Variants in CDH13 observed in about 807,000 individuals in gnomAD.
CDH13 encodes the protein cadherin-13.
Under a neutral mutation model 63.8 loss-of-function variants are expected in CDH13, and 24 were observed. The observed-to-expected ratio is 0.38, with a 90% confidence interval of 0.27 to 0.53. The LOEUF is 0.53. Ranked by LOEUF, CDH13 falls within the 20% of genes least tolerant of loss-of-function variation. The pLI is 0.85. For synonymous variants in CDH13, 503 were observed against 355.3 expected (o/e 1.42, Z -4.67); for missense variants, 1,049 against 903.1 (o/e 1.16, Z -2.07).
intron 7 of CDH13, among the ~76,000 whole-genome samples, chr16:83,489,349 G>A (rs2073959897): frequency 6.6e-6 from 1 of 152,114 alleles, no homozygotes. Flanking sequence ...CCCCAAAAAA[G>A]ATCAACTCAA....
At chr16:83,050,651 C>G (rs959012817) in intron 3 of CDH13, among the ~76,000 whole-genome samples, 3 of 152,118 alleles carry the variant, frequency 2.0e-5, no homozygotes, top group Non-Finnish European at 4.4e-5. Context: ...CAGCATGTCT[C>G]CAAATTTATA....
At chr16:83,258,603 T>C (rs946268348) in intron 5 of CDH13, among the ~76,000 whole-genome samples, 1 of 152,204 alleles carries the variant, frequency 6.6e-6, no homozygotes, top group African/African-American at 2.4e-5. Context: ...TTGGCACTTT[T>C]CAGAGGTGGC....
intron 1 of CDH13, among the ~76,000 whole-genome samples, chr16:82,849,170 T>C (rs780319740): frequency 8.5e-5 from 13 of 152,192 alleles, no homozygotes; most frequent in Non-Finnish European, 1.8e-4. Context: ...GAGGTTAGTG[T>C]GTGACATTTA....
chr16:83,482,183 G>A (rs577900140), intron 6 of CDH13, among the ~76,000 whole-genome samples: 4 of 152,198 alleles, frequency 2.6e-5, no homozygotes, highest in Non-Finnish European at 5.9e-5. Flanking sequence ...AGTGTGGAAT[G>A]AGGCAACACT....
At chr16:83,385,775 G>T (rs2151422760) in intron 6 of CDH13, among the ~76,000 whole-genome samples, 1 of 152,160 alleles carries the variant, frequency 6.6e-6, no homozygotes, top group Non-Finnish European at 1.5e-5. Context: ...TTCACCAAAT[G>T]GAATCTTTGG....
chr16:82,904,965 G>A lies in CDH13; in HGVS notation c.157+46492G>A, dbSNP rs918163753. On this transcript the variant is annotated intron_variant, in intron 2 of 13. Transcript: ENST00000567109. ...AATGAACCCAGGTTTCTCCCATGGA[G>A]TGCAGTTTCTCCCTAAATGAACCCA... Among the ~76,000 whole-genome samples the A allele has an allele frequency of 2.6e-5, 4 of 151,622 alleles. 1 individual carries two copies. Among genetic ancestry groups the A allele is most frequent in the Admixed American group, 2.0e-4 (3 of 15,248 alleles).
intron 1 of CDH13, among the ~76,000 whole-genome samples, chr16:82,704,049 A>G (rs2031278371): frequency 3.3e-5 from 5 of 152,172 alleles, no homozygotes. Context: ...CAAATAAAAA[A>G]ACCCATGACA....
chr16:83,763,066 C>G (rs1914104567), intron 11 of CDH13, among the ~76,000 whole-genome samples: 1 of 152,152 alleles, frequency 6.6e-6, no homozygotes. Context: ...CGTCATATTC[C>G]CCATCTATTT....
At chr16:83,297,389 TA>T (rs966026402) in intron 5 of CDH13, among the ~76,000 whole-genome samples, 2 of 152,154 alleles carry the variant, frequency 1.3e-5, no homozygotes, top group East Asian at 1.9e-4. Context: ...ATGTGTCAAT[TA>T]AAAAAACAAA....
chr16:83,651,364 A>G (rs1912357575), intron 8 of CDH13, among the ~76,000 whole-genome samples: 1 of 152,110 alleles, frequency 6.6e-6, no homozygotes, highest in African/African-American at 2.4e-5. Context: ...TGTGCATTTT[A>G]TTGCTTATGT....
intron 2 of CDH13, among the ~76,000 whole-genome samples, chr16:82,895,634 G>A (rs2041229209): frequency 6.6e-6 from 1 of 151,650 alleles, no homozygotes. Context: ...TTTGAATTAT[G>A]TGAGGTAGTA....
At chr16:83,364,878 G>A (rs901790949) in intron 6 of CDH13, among the ~76,000 whole-genome samples, 4 of 152,122 alleles carry the variant, frequency 2.6e-5, no homozygotes, top group Non-Finnish European at 4.4e-5. Flanking sequence ...ATGGACACAG[G>A]GAGGGGAACA....
chr16:83,191,045 T>C (rs1302015055), intron 4 of CDH13, among the ~76,000 whole-genome samples: 2 of 151,758 alleles, frequency 1.3e-5, no homozygotes, highest in African/African-American at 4.8e-5. Flanking sequence ...CTTTATGTAG[T>C]GATTCCGAGC....
intron 5 of CDH13, among the ~76,000 whole-genome samples, chr16:83,286,541 A>C (rs1356815597): frequency 6.6e-6 from 1 of 152,036 alleles, no homozygotes. Context: ...GGATTGCCTG[A>C]GCTCAGGAGT....
Position 83,783,341 on chromosome 16 carries a change from C to G in CDH13, c.2003C>G (p.Pro668Arg). ...PIMVTDSGKP[P>R]MTNITDLRVQ... ...ATGGTGACAGATTCAGGGAAACCACCCATGACGAATATCACAGATCTCAGG... is the reference window on the plus strand; with the variant it reads ...ATGGTGACAGATTCAGGGAAACCACGCATGACGAATATCACAGATCTCAGG... The change falls in exon 13 of 14, where the codon CCC becomes CGC. Residue 668 changes from proline to arginine, a missense_variant. Coordinates refer to ENST00000567109, the MANE Select transcript of CDH13 (RefSeq NM_001257.5). The G allele has an allele frequency of 4.3e-6, 7 of 1,613,934 alleles. No homozygotes were observed. The highest frequency in any genetic ancestry group is 5.9e-6 in the Non-Finnish European group (7 of 1,179,842).
intron 4 of CDH13, chr16:83,181,061 T>C (rs2038335254): frequency 6.9e-7 from 1 of 1,444,048 alleles, no homozygotes; most frequent in African/African-American, 1.4e-5. Context: ...CTCTACAGAA[T>C]GATGTGTTTA....
chr16:83,770,154 A>C (rs911290627), intron 11 of CDH13, among the ~76,000 whole-genome samples: 4 of 152,132 alleles, frequency 2.6e-5, no homozygotes, highest in African/African-American at 9.7e-5. Context: ...TGTTTCTTGG[A>C]GGAGTCCTGG....
intron 1 of CDH13, among the ~76,000 whole-genome samples, chr16:82,777,552 A>C (rs1010613920): frequency 2.0e-5 from 3 of 152,220 alleles, no homozygotes; most frequent in African/African-American, 7.2e-5. Context: ...ACCATCGTCT[A>C]TAATATATCT....
chr16:83,312,932 A>T (rs929423380), intron 5 of CDH13, among the ~76,000 whole-genome samples: 1 of 152,194 alleles, frequency 6.6e-6, no homozygotes, highest in African/African-American at 2.4e-5. Flanking sequence ...TATTAGATAC[A>T]CCATTCCAAA....
Sources: allele counts gnomAD v4.1 joint callset (sites outside exome capture counted in the v4.1 genomes callset), GRCh38; gene constraint gnomAD v4.1.1; transcripts MANE v1.5; gene names NCBI Gene and HGNC (gene_info 2026-07-23, HGNC 2026-07-21).